WWOX: variants seen among roughly 807,000 people sequenced by gnomAD.
WWOX encodes the protein WW domain-containing oxidoreductase.
In WWOX, 69 loss-of-function variants were observed where a neutral mutation model predicts 46.2. That is an observed-to-expected ratio of 1.49 (90% confidence interval 1.23 to 1.82). WWOX has a LOEUF of 1.82. WWOX is among the 40% of genes most tolerant of loss of function. The pLI is 0.00. For synonymous variants in WWOX, 359 were observed against 202.6 expected (o/e 1.77, Z -6.56); for missense variants, 919 against 542.6 (o/e 1.69, Z -6.89).
In WWOX at chr16:78,535,559, TTC is replaced by T. The variant is rs1742515042; in HGVS notation, c.1056+102809_1056+102810del. The T allele has an allele frequency of 3.3e-5, 5 of 152,350 alleles. No homozygotes were observed. The South Asian group carries it at 1.0e-3, about 32-fold the overall frequency. 9.4% of individuals were successfully genotyped at this position (152,350 alleles called of 1,614,324 possible). On this transcript the variant is annotated intron_variant, in intron 8 of 8. Transcript: ENST00000566780. ...GAAGAACCCTTAGAAGTAAGACTTT[TTC>T]TGTCTCTGATGCCACGGACCTTTGA...
At chr16:78,603,332 A>G (rs977998050) in intron 8 of WWOX, among the ~76,000 whole-genome samples, 1 of 152,188 alleles carries the variant, frequency 6.6e-6, no homozygotes, top group Non-Finnish European at 1.5e-5. Flanking sequence ...CTGCACCAAA[A>G]AGATCTCATT....
intron 8 of WWOX, among the ~76,000 whole-genome samples, chr16:78,561,109 G>A (rs181068382): frequency 6.6e-6 from 1 of 152,258 alleles, no homozygotes; most frequent in Admixed American, 6.5e-5. Context: ...CCTTGAAGTT[G>A]TAAGACTAGG....
At chr16:79,047,142 A>G (rs925220386) in intron 8 of WWOX, among the ~76,000 whole-genome samples, 6 of 152,152 alleles carry the variant, frequency 3.9e-5, no homozygotes, top group Non-Finnish European at 1.5e-5. Flanking sequence ...TCATTCATTT[A>G]TTCTTTCATT....
chr16:78,810,230 C>T (rs773828146), intron 8 of WWOX, among the ~76,000 whole-genome samples: 1 of 152,192 alleles, frequency 6.6e-6, no homozygotes, highest in Non-Finnish European at 1.5e-5. Flanking sequence ...CAAAACATTT[C>T]TATCAGAACA....
intron 8 of WWOX, among the ~76,000 whole-genome samples, chr16:78,652,408 CAAAA>C (rs747993811): frequency 1.1e-4 from 12 of 107,472 alleles, no homozygotes; most frequent in East Asian, 7.6e-4. Context: ...GACTCCGTCT[CAAAA>C]AAAAAAAAAA....
At position 78,698,418 on chromosome 16, in the gene WWOX, G is replaced by T. The variant is rs186188291; in HGVS notation, c.1056+265666G>T. Among the ~76,000 whole-genome samples the T allele has an allele frequency of 2.1e-3, 318 of 152,226 alleles. 2 individuals carry two copies. The highest frequency in any genetic ancestry group is 7.0e-3 in the African/African-American group (289 of 41,536). On this transcript the variant is annotated intron_variant, in intron 8 of 8. Coordinates refer to ENST00000566780, the MANE Select transcript of WWOX (RefSeq NM_016373.4). ...TTGAAAATTAAAATTCATTTCATTC[G>T]CATTACAGATTTTAAATCCTAGCTC...
intron 8 of WWOX, among the ~76,000 whole-genome samples, chr16:79,186,576 T>A (rs1033693328): frequency 6.6e-6 from 1 of 152,212 alleles, no homozygotes; most frequent in Non-Finnish European, 1.5e-5. Context: ...TATTCCAATC[T>A]AATTACATGT....
At chr16:79,045,561 CGGA>C (rs1320673423) in intron 8 of WWOX, among the ~76,000 whole-genome samples, 1 of 152,074 alleles carries the variant, frequency 6.6e-6, no homozygotes, top group Non-Finnish European at 1.5e-5. Flanking sequence ...CAATAGAACA[CGGA>C]GGCAGAATTT....
intron 8 of WWOX, among the ~76,000 whole-genome samples, chr16:78,656,158 C>A (rs909970438): frequency 1.3e-5 from 2 of 152,078 alleles, no homozygotes; most frequent in Admixed American, 6.6e-5. Context: ...TCTGTTGTTT[C>A]TCATAACATT....
In WWOX at chr16:78,534,404, A is replaced by C. The variant is rs535899368; in HGVS notation, c.1056+101652A>C. 3.3e-5 allele frequency: 5 copies of C among 152,320 alleles called. No individual in the cohort carries two copies. In the East Asian group the frequency reaches 9.7e-4, roughly 29 times the overall value. The allele number at this position is 152,320 out of a possible 1,614,324, so 9.4% of individuals were successfully genotyped here. A position where few individuals can be genotyped will look rare whatever the true frequency, so the allele number is the denominator to read the frequency against. ...TGTATCACTGAAACAACCAACTGAA[A>C]ACCATTGAGAGGCTCATGGTGAAAG... On this transcript the variant is annotated intron_variant, in intron 8 of 8. Coordinates refer to ENST00000566780, the MANE Select transcript of WWOX (RefSeq NM_016373.4).
intron 5 of WWOX, among the ~76,000 whole-genome samples, chr16:78,296,499 T>A (rs552351863): frequency 2.0e-5 from 3 of 150,396 alleles, no homozygotes; most frequent in Middle Eastern, 3.5e-3. Flanking sequence ...CAGGAATTCA[T>A]ATATATATGT....
intron 8 of WWOX, among the ~76,000 whole-genome samples, chr16:79,161,137 A>G (rs1402582277): frequency 6.6e-6 from 1 of 152,208 alleles, no homozygotes; most frequent in Non-Finnish European, 1.5e-5. Flanking sequence ...GGATTAGATA[A>G]GGCAATTCTG....
chr16:78,395,057 G>A (rs757783354), intron 6 of WWOX, among the ~76,000 whole-genome samples: 48 of 152,172 alleles, frequency 3.2e-4, no homozygotes, highest in Non-Finnish European at 6.3e-4. Context: ...ATGGAGCCTG[G>A]GGCTATTGGT....
At chr16:79,176,349 C>G (rs2050800218) in intron 8 of WWOX, among the ~76,000 whole-genome samples, 1 of 152,192 alleles carries the variant, frequency 6.6e-6, no homozygotes, top group African/African-American at 2.4e-5. Flanking sequence ...TCTTACCAGC[C>G]TTAACCTCAT....
intron 8 of WWOX, among the ~76,000 whole-genome samples, chr16:78,836,661 T>G (rs1289965166): frequency 6.6e-6 from 1 of 152,148 alleles, no homozygotes; most frequent in African/African-American, 2.4e-5. Context: ...ATTAGGCCAT[T>G]TGCGGGGTGT....
intron 5 of WWOX, among the ~76,000 whole-genome samples, chr16:78,203,620 G>C (rs540935572): frequency 1.3e-5 from 2 of 152,292 alleles, no homozygotes; most frequent in African/African-American, 4.8e-5. Context: ...GCAAGATCAA[G>C]AGATGTCAGT....
chr16:78,544,831 C>T (rs11641817), intron 8 of WWOX, among the ~76,000 whole-genome samples: 13,060 of 152,142 alleles, frequency 0.086, 796 homozygotes, highest in South Asian at 0.23. Context: ...GCTGTGATCG[C>T]TCCACTGCAC....
intron 8 of WWOX, among the ~76,000 whole-genome samples, chr16:79,159,109 T>G (rs931431733): frequency 6.6e-5 from 10 of 152,220 alleles, no homozygotes; most frequent in Non-Finnish European, 1.3e-4. Flanking sequence ...TTTAATTTCA[T>G]GTAAATTTCT....
At chr16:78,801,485 G>C (rs974634403) in intron 8 of WWOX, among the ~76,000 whole-genome samples, 1 of 152,100 alleles carries the variant, frequency 6.6e-6, no homozygotes, top group African/African-American at 2.4e-5. Flanking sequence ...CTCCAACCTG[G>C]GTGACAAGGC....
Sources: gnomAD v4.1 joint callset for allele counts (sites outside exome capture counted in the v4.1 genomes callset) on GRCh38, gnomAD v4.1.1 for gene constraint, MANE v1.5 for transcripts, NCBI Gene and HGNC (gene_info 2026-07-23, HGNC 2026-07-21) for gene names.